STK3: variants seen among roughly 807,000 people sequenced by gnomAD.
STK3 encodes serine/threonine kinase 3.
A neutral mutation model predicts 58.0 loss-of-function variants in STK3; 41 were observed. The ratio of observed to expected loss-of-function variants is 0.71; its 90% CI spans 0.55 to 0.92. The LOEUF (loss-of-function observed/expected upper bound fraction) is 0.92, where lower values mean the gene tolerates loss of function less well. Ranked by LOEUF, STK3 falls within the 40% of genes least tolerant of loss-of-function variation. The pLI is 0.00. For synonymous variants in STK3, 170 were observed against 191.0 expected (o/e 0.89, Z 0.91); for missense variants, 479 against 602.7 (o/e 0.79, Z 2.15).
intron 1 of STK3, among the ~76,000 whole-genome samples, chr8:98,793,155 A>G (rs890244193): frequency 1.3e-5 from 2 of 152,114 alleles, no homozygotes; most frequent in African/African-American, 4.8e-5. Context: ...GAATGACACA[A>G]TGGACTTTGG....
chr8:98,856,991 A>C (rs954491940), intron 3 of STK3, among the ~76,000 whole-genome samples: 10 of 152,248 alleles, frequency 6.6e-5, no homozygotes, highest in Non-Finnish European at 1.3e-4. Flanking sequence ...TTTATATAAA[A>C]GTCCGGAATA....
intron 1 of STK3, among the ~76,000 whole-genome samples, chr8:98,914,327 G>A (rs184260328): frequency 6.2e-4 from 94 of 152,098 alleles, no homozygotes; most frequent in Middle Eastern, 3.4e-3. Flanking sequence ...TCGCTCACTC[G>A]AGCCTAGGAG....
intron 6 of STK3, among the ~76,000 whole-genome samples, chr8:98,662,753 C>T (rs1288346989): frequency 2.6e-5 from 4 of 151,634 alleles, no homozygotes; most frequent in Admixed American, 6.6e-5. Flanking sequence ...TATACATGTG[C>T]CACATTGTTG....
At chr8:98,646,996 G>A (rs1196072176) in intron 6 of STK3, among the ~76,000 whole-genome samples, 4 of 151,986 alleles carry the variant, frequency 2.6e-5, no homozygotes, top group African/African-American at 9.7e-5. Context: ...TCACTCTGCT[G>A]CTCAAGGCCT....
At chr8:98,363,277 C>T in the STK3 span, among the ~76,000 whole-genome samples, 1 of 152,202 alleles carries the variant, frequency 6.6e-6, no homozygotes, top group South Asian at 2.1e-4. Flanking sequence ...GTCCATCTAT[C>T]TCTGGTGGGG....
chr8:98,484,512 A>T (rs1822093299), intron 10 of STK3, among the ~76,000 whole-genome samples: 1 of 152,220 alleles, frequency 6.6e-6, no homozygotes, highest in Admixed American at 6.5e-5. Context: ...CGAAGAGTCC[A>T]CATTAAATTA....
At chr8:98,575,495 C>T (rs1224672702) in intron 8 of STK3, among the ~76,000 whole-genome samples, 2 of 151,456 alleles carry the variant, frequency 1.3e-5, no homozygotes, top group Non-Finnish European at 2.9e-5. Flanking sequence ...AAACACTGTA[C>T]CCATTAAGGA....
At position 98,715,161 on chromosome 8, in the gene STK3, C is replaced by T. The variant is rs548086873; in HGVS notation, c.352-7850G>A. Among the ~76,000 whole-genome samples, 77 of 152,240 alleles carry T rather than the reference C, an allele frequency of 5.1e-4. No individual in the cohort carries two copies. The East Asian group carries it at 0.013, about 26-fold the overall frequency. ...ATGGATTAAAGACTTACATGTTAGA[C>T]CTAAAACCAGAAAAACCCTAGAAGA... On this transcript the variant is annotated intron_variant, in intron 4 of 10. Transcript: ENST00000419617.
chr8:98,905,747 G>A, intron 1 of STK3: 1 of 492,058 alleles, frequency 2.0e-6, no homozygotes, highest in Non-Finnish European at 3.7e-6. Context: ...CGTTTGTCTT[G>A]ATAAAAGAAA....
chr8:98,636,976 T>C (rs935028611), intron 6 of STK3, among the ~76,000 whole-genome samples: 2 of 151,908 alleles, frequency 1.3e-5, no homozygotes, highest in African/African-American at 2.4e-5. Flanking sequence ...TAGTAGTGCA[T>C]AAAGTACTTC....
At chr8:98,810,188 T>C (rs1251652434) in intron 1 of STK3, among the ~76,000 whole-genome samples, 1 of 151,966 alleles carries the variant, frequency 6.6e-6, no homozygotes, top group East Asian at 1.9e-4. Flanking sequence ...TCCAATCACC[T>C]CCCACCAGGT....
At chr8:98,941,156 C>G (rs1014408335) in intron 1 of STK3, among the ~76,000 whole-genome samples, 18 of 152,258 alleles carry the variant, frequency 1.2e-4, no homozygotes, top group Non-Finnish European at 7.3e-5. Context: ...CGGCTGCGGA[C>G]TGCAGCCCGC....
intron 8 of STK3, among the ~76,000 whole-genome samples, chr8:98,548,839 T>C (rs1810934066): frequency 6.6e-6 from 1 of 152,160 alleles, no homozygotes; most frequent in Admixed American, 6.6e-5. Context: ...ATTATACTTA[T>C]GAATTTGCCT....
At chr8:98,755,553 G>A (rs1830236285) in intron 3 of STK3, among the ~76,000 whole-genome samples, 1 of 152,206 alleles carries the variant, frequency 6.6e-6, no homozygotes, top group African/African-American at 2.4e-5. Flanking sequence ...AAGCAGATAA[G>A]TGAGCTTTAA....
intron 10 of STK3, among the ~76,000 whole-genome samples, chr8:98,469,742 C>T (rs1277679791): frequency 6.6e-6 from 1 of 152,082 alleles, no homozygotes; most frequent in Non-Finnish European, 1.5e-5. Flanking sequence ...CTTAAAAAGT[C>T]CATTTTAATA....
intron 6 of STK3, among the ~76,000 whole-genome samples, chr8:98,683,830 A>G (rs545652839): frequency 6.6e-5 from 10 of 152,308 alleles, no homozygotes; most frequent in African/African-American, 2.2e-4. Context: ...AATAGTAAAC[A>G]AAACACTACC....
chr8:98,795,190 G>C (rs1381303399), intron 1 of STK3, among the ~76,000 whole-genome samples: 5 of 141,916 alleles, frequency 3.5e-5, no homozygotes, highest in Non-Finnish European at 7.5e-5. Flanking sequence ...GGTCAAGTAA[G>C]TTTCATTCCT....
chr8:98,463,627 T>A (rs953948052), intron 10 of STK3, among the ~76,000 whole-genome samples: 4 of 152,158 alleles, frequency 2.6e-5, no homozygotes, highest in African/African-American at 9.7e-5. Flanking sequence ...AGAACTTCCT[T>A]TAAGTTTACA....
intron 6 of STK3, among the ~76,000 whole-genome samples, chr8:98,647,455 A>G (rs1820486627): frequency 6.6e-6 from 1 of 152,206 alleles, no homozygotes. Context: ...AAATGCCTAG[A>G]AAGGTATCTG....
Sources: gnomAD v4.1 joint callset for allele counts (sites outside exome capture counted in the v4.1 genomes callset) on GRCh38, gnomAD v4.1.1 for gene constraint, MANE v1.5 for transcripts, NCBI Gene and HGNC (gene_info 2026-07-23, HGNC 2026-07-21) for gene names.